The following ARVCF variants were observed in gnomAD, a reference collection of about 807,000 sequenced individuals.
ARVCF encodes the protein splicing regulator ARVCF.
ARVCF carries 66 observed loss-of-function variants against 90.9 expected under a neutral mutation model. The observed-to-expected ratio is 0.73, with a 90% CI of 0.60 to 0.89. The LOEUF (loss-of-function observed/expected upper bound fraction) is 0.89, where lower values mean the gene tolerates loss of function less well. Ranked by LOEUF, ARVCF falls within the 40% of genes least tolerant of loss-of-function variation. ARVCF has a pLI of 0.00. For synonymous variants in ARVCF, 653 were observed against 603.4 expected, an observed-to-expected ratio of 1.08 and a Z score of -1.21; for missense variants, 1,469 against 1,382.3, an observed-to-expected ratio of 1.06 and a Z score of -1.00.
At chr22:19,984,197 G>A (rs1004482588) in intron 3 of ARVCF, among the ~76,000 whole-genome samples, 2 of 152,162 alleles carry the variant, frequency 1.3e-5, no homozygotes, top group Non-Finnish European at 2.9e-5. Flanking sequence ...TAAAAACTCA[G>A]AGAAAAACCC....
chr22:19,968,425 C>T, downstream of ARVCF: 1 of 1,072,124 alleles, frequency 9.3e-7, no homozygotes. Flanking sequence ...GCCCCAGGGG[C>T]TAGGCACAGG....
chr22:20,000,507 C>T (rs556778959), intron 2 of ARVCF, among the ~76,000 whole-genome samples: 10 of 77,786 alleles, frequency 1.3e-4, no homozygotes, highest in South Asian at 3.7e-4. Context: ...TGGCTCCCAC[C>T]GCCACATACC....
At chr22:19,985,581 C>T (rs1241103505) in intron 3 of ARVCF, among the ~76,000 whole-genome samples, 1 of 152,238 alleles carries the variant, frequency 6.6e-6, no homozygotes, top group East Asian at 1.9e-4. Flanking sequence ...ATCAGTCTCA[C>T]TTTTGTGGCA....
rs771759769 is a variant in ARVCF, at chr22:19,975,653, C to T, written c.1960+33G>A. The stretch of plus-strand genomic sequence containing the variant: ...GGGCAATCCTGAGCCCAGACATCCC[C>T]CAGTGGAGCTGGCTTCATCTCAGCC... On this transcript the variant is annotated intron_variant, in intron 11 of 19. Transcript: ENST00000263207. 5 of 1,612,058 alleles carry T rather than the reference C, an allele frequency of 3.1e-6. No homozygotes were observed. The South Asian group carries it at 4.4e-5, about 14-fold the overall frequency.
intron 17 of ARVCF, 50 bp from the exon 18 acceptor site, chr22:19,972,021 G>T: frequency 6.7e-7 from 1 of 1,491,092 alleles, no homozygotes; most frequent in Non-Finnish European, 9.2e-7. Context: ...GGGAGGCCCT[G>T]TAGGAGCAGA....
intron 3 of ARVCF, among the ~76,000 whole-genome samples, chr22:19,989,084 C>T (rs533423686): frequency 1.3e-5 from 2 of 152,294 alleles, no homozygotes; most frequent in East Asian, 1.9e-4. Context: ...GAGGCGGCCT[C>T]GGGGTCACTG....
At position 19,979,920 on chromosome 22, in the gene ARVCF, C is replaced by G. The variant is rs766082579; in HGVS notation, c.1219G>C (p.Ala407Pro). The G allele has an allele frequency of 6.3e-7, 1 of 1,597,532 alleles. No individual in the cohort carries two copies. The highest frequency in any genetic ancestry group is 1.7e-5 in the Admixed American group (1 of 57,936). Reference sequence around the variant, plus strand: ...TCAGCCCGCGGGTGGTCCAGCAGTGCCACAAGCAGCGGCAGCCCCCGCAAC... The same window carrying G: ...TCAGCCCGCGGGTGGTCCAGCAGTGGCACAAGCAGCGGCAGCCCCCGCAAC... ...RQLRGLPLLV[A>P]LLDHPRAEVR... The change falls in exon 6 of 20, where the codon GCA (alanine) becomes CCA (proline). Residue 407 changes from alanine (A) to proline (P), a missense_variant. Ala to Pro is a conservative substitution (Grantham distance 27). Coordinates refer to ENST00000263207, the MANE Select transcript of ARVCF (RefSeq NM_001670.3).
chr22:20,002,001 G>A (rs1213568969), intron 2 of ARVCF, among the ~76,000 whole-genome samples: 1 of 152,148 alleles, frequency 6.6e-6, no homozygotes, highest in Non-Finnish European at 1.5e-5. Flanking sequence ...AGAAGACAGA[G>A]CCCAGGGCCA....
intron 3 of ARVCF, among the ~76,000 whole-genome samples, chr22:19,982,344 G>A (rs1943550646): frequency 6.6e-6 from 1 of 152,184 alleles, no homozygotes; most frequent in Non-Finnish European, 1.5e-5. Context: ...CCCTGGGGCT[G>A]GACCCCCATC....
At position 19,981,716 on chromosome 22, in the gene ARVCF, C is replaced by T; in HGVS notation, c.391G>A (p.Val131Met). 1 of 1,574,988 alleles carries T rather than the reference C, an allele frequency of 6.3e-7. No homozygotes were observed. Among genetic ancestry groups the T allele is most frequent in the South Asian group, 1.2e-5 (1 of 85,952 alleles). ...ETKVTKTVKT[V>M]TTRTVRQVPV... Reference sequence around the variant, plus strand: ...ACCTGGCGTACTGTCCGAGTGGTCACCGTCTTGACAGTCTTGGTGACCTGG... The same window carrying T: ...ACCTGGCGTACTGTCCGAGTGGTCATCGTCTTGACAGTCTTGGTGACCTGG... Residue 131 changes from valine to methionine, a missense_variant, in exon 5 of 20, where the codon GTG becomes ATG. Physicochemically the swap from Val to Met is conservative, Grantham distance 21. Transcript: ENST00000263207.
chr22:20,003,294 A>C (rs1944507217), intron 2 of ARVCF, among the ~76,000 whole-genome samples: 2 of 152,266 alleles, frequency 1.3e-5, no homozygotes, highest in Admixed American at 1.3e-4. Context: ...AAGTAATTTT[A>C]ACACCAATCG....
chr22:19,991,334 C>T (rs564125398), intron 2 of ARVCF, among the ~76,000 whole-genome samples: 60 of 152,342 alleles, frequency 3.9e-4, no homozygotes, highest in Non-Finnish European at 8.1e-4. Flanking sequence ...GCCCAAGACC[C>T]CGAGGCAGGC....
intron 2 of ARVCF, among the ~76,000 whole-genome samples, chr22:19,995,609 G>A (rs186226657): frequency 4.1e-4 from 62 of 152,300 alleles, no homozygotes; most frequent in African/African-American, 1.3e-3. Context: ...ATTCCTCCTC[G>A]GGAGTGCGGC....
rs1942888528 is a variant in ARVCF, at chr22:19,972,729, C to T, written c.2641+8G>A. 6.2e-7 allele frequency: 1 copy of T among 1,604,340 alleles called. No individual in the cohort carries two copies. On this transcript the variant is annotated splice_region_variant and intron_variant, in intron 16 of 19. Coordinates refer to ENST00000263207, the MANE Select transcript of ARVCF (RefSeq NM_001670.3). ...CACCCTCTAGGCTCCCTAAGCTCCA[C>T]CACTCACCAAGGCTCTTGTCCACCA... is the stretch of plus-strand genomic sequence containing the variant.
chr22:19,986,331 G>A lies in ARVCF; in HGVS notation c.211-4240C>T, dbSNP rs112230366. ...TGTGGGAGACCTGCCTCCCACCACA[G>A]AGGGTCTTGGCTGGTCTCTCCTCTG... On this transcript the variant is annotated intron_variant, in intron 3 of 19. Transcript: ENST00000263207. Among the ~76,000 whole-genome samples, 151 of 152,306 alleles carry A rather than the reference G, an allele frequency of 9.9e-4. 1 individual carries two copies. The highest frequency in any genetic ancestry group is 3.6e-3 in the African/African-American group (148 of 41,572).
intron 3 of ARVCF, among the ~76,000 whole-genome samples, chr22:19,989,231 A>G (rs765851053): frequency 6.6e-6 from 1 of 152,010 alleles, no homozygotes; most frequent in Non-Finnish European, 1.5e-5. Flanking sequence ...GAGACCCACC[A>G]GAGGCCTCTG....
intron 10 of ARVCF, among the ~76,000 whole-genome samples, chr22:19,976,081 C>T (rs1335172697): frequency 2.6e-5 from 4 of 152,078 alleles, no homozygotes; most frequent in Admixed American, 2.6e-4. Context: ...AAGCCAGGAG[C>T]CCTGGCTGGA....
intron 5 of ARVCF, 115 bp from the exon 6 acceptor site, chr22:19,980,357 AGAGCACCTGTATCTTGGCCCG>A: frequency 7.3e-7 from 1 of 1,377,496 alleles, no homozygotes; most frequent in Non-Finnish European, 9.5e-7. Context: ...CGCTGGGCTG[AGAGCACCTGTATCTTGGCCCG>A]GAGCATGGTG....
At position 19,973,294 on chromosome 22, in the gene ARVCF, C is replaced by A; in HGVS notation, c.2263G>T (p.Val755Leu). 6.2e-7 allele frequency: 1 copy of A among 1,603,534 alleles called. No homozygotes were observed. The change falls in exon 14 of 20, where the codon GTG becomes TTG. Residue 755 changes from valine to leucine, a missense_variant. Val to Leu is a conservative substitution (Grantham distance 32). Coordinates refer to ENST00000263207, the MANE Select transcript of ARVCF (RefSeq NM_001670.3). ...LIGSYAMAEL[V>L]RNVRNAQAPP... ...GCCTGTGCATTGCGCACATTCCGCA[C>A]AAGCTCAGCCATGGCGTAGCTCCCT...
Sources: gnomAD v4.1 joint callset for allele counts (sites outside exome capture counted in the v4.1 genomes callset) on GRCh38, gnomAD v4.1.1 for gene constraint, MANE v1.5 for transcripts, NCBI Gene and HGNC (gene_info 2026-07-23, HGNC 2026-07-21) for gene names.